RPTOR: variants seen among roughly 807,000 people sequenced by gnomAD.
RPTOR encodes the protein regulatory-associated protein of mTOR.
RPTOR carries 21 observed loss-of-function variants against 169.9 expected under a neutral mutation model. The observed-to-expected ratio is 0.12, with a 90% CI of 0.09 to 0.18. The LOEUF (loss-of-function observed/expected upper bound fraction) is 0.18, where lower values mean the gene tolerates loss of function less well. Ranked by LOEUF, RPTOR falls within the 10% of genes least tolerant of loss-of-function variation. RPTOR has a pLI of 1.00. For synonymous variants in RPTOR, 732 were observed against 753.2 expected (o/e 0.97, Z 0.46); for missense variants, 1,133 against 1,855.9 (o/e 0.61, Z 7.16).
intron 3 of RPTOR, among the ~76,000 whole-genome samples, chr17:80,665,693 C>T (rs551771117): frequency 2.5e-4 from 38 of 151,502 alleles, no homozygotes; most frequent in African/African-American, 7.5e-4. Context: ...TACAGGCGCC[C>T]GCCACCATGC....
chr17:80,586,126 A>G (rs1054357318), intron 1 of RPTOR, among the ~76,000 whole-genome samples: 2 of 152,086 alleles, frequency 1.3e-5, no homozygotes, highest in African/African-American at 2.4e-5. Context: ...GAGGGCATCA[A>G]TCCCCCGTTT....
chr17:80,627,131 C>T (rs530474799), intron 2 of RPTOR, among the ~76,000 whole-genome samples: 3 of 152,188 alleles, frequency 2.0e-5, no homozygotes, highest in Non-Finnish European at 2.9e-5. Context: ...TTTCATTCTC[C>T]TGCCGCAGCC....
rs540992425 is a variant in RPTOR, at chr17:80,556,382, G to A, written c.162+10591G>A. Among the ~76,000 whole-genome samples, 65 of 152,234 alleles carry A rather than the reference G, an allele frequency of 4.3e-4. 1 individual carries two copies. Among genetic ancestry groups the A allele is most frequent in the African/African-American group, 1.4e-3 (59 of 41,532 alleles). ...AAAAATAAGCCGGACATGGTGGTGCGCACCTGTGGTCCCAGCAAATTAGGA... is the reference window on the plus strand; with the variant it reads ...AAAAATAAGCCGGACATGGTGGTGCACACCTGTGGTCCCAGCAAATTAGGA... On this transcript the variant is annotated intron_variant, in intron 1 of 33. Coordinates refer to ENST00000306801, the MANE Select transcript of RPTOR (RefSeq NM_020761.3).
intron 20 of RPTOR, among the ~76,000 whole-genome samples, chr17:80,894,151 G>C (rs55777744): frequency 0.26 from 40,225 of 152,062 alleles, 5,641 homozygotes; most frequent in South Asian, 0.47. Context: ...TTCCATCTTT[G>C]TTCCATAGAC....
rs2067919710 is a variant in RPTOR at position 80,861,800 on chromosome 17, T to C, written c.1509+3900T>C. Among the ~76,000 whole-genome samples, 1 of 152,070 alleles carries C rather than the reference T, an allele frequency of 6.6e-6. No homozygotes were observed. Among genetic ancestry groups the C allele is most frequent in the Admixed American group, 6.5e-5 (1 of 15,286 alleles). ...TCTCAGACTTCGTGTTTTTAGTACC[T>C]TTTAGGACCTGGAAATTGATGATGT... On this transcript the variant is annotated intron_variant, in intron 13 of 33. Coordinates refer to ENST00000306801, the MANE Select transcript of RPTOR (RefSeq NM_020761.3). This position sits in a 1 kb window ranked among gnomAD's most constrained non-coding sequence, Gnocchi z 4.5.
intron 1 of RPTOR, among the ~76,000 whole-genome samples, chr17:80,561,980 G>A (rs1249752035): frequency 3.3e-5 from 5 of 152,284 alleles, no homozygotes; most frequent in East Asian, 1.9e-4. Flanking sequence ...ATGTTTATAC[G>A]TATGTATTTA....
At position 80,947,371 on chromosome 17, in the gene RPTOR, C is replaced by A. The variant is rs766507847; in HGVS notation, c.3265+20C>A. On this transcript the variant is annotated intron_variant, in intron 27 of 33. Transcript: ENST00000306801. The surrounding 1 kb of genome is among the most constrained non-coding windows in gnomAD (Gnocchi z 4.4). Reference sequence around the variant, plus strand: ...CCACAGGTGAGCGGGGTTTGCACAGCCAGGATTGGAAGCCAGGGTCTGGAG... The same window carrying A: ...CCACAGGTGAGCGGGGTTTGCACAGACAGGATTGGAAGCCAGGGTCTGGAG... The A allele has an allele frequency of 1.7e-5, 26 of 1,531,100 alleles. No homozygotes were observed. Among genetic ancestry groups the A allele is most frequent in the Non-Finnish European group, 2.3e-5 (26 of 1,140,752 alleles). The allele number at this position is 1,531,100 out of a possible 1,614,324, so 94.8% of individuals were successfully genotyped here. A position where few individuals can be genotyped will look rare whatever the true frequency, so the allele number is the denominator to read the frequency against.
chr17:80,603,083 G>C lies in RPTOR; in HGVS notation c.163-22608G>C, dbSNP rs148425425. On this transcript the variant is annotated intron_variant, in intron 1 of 33. Transcript: ENST00000306801. ...TGGAAAGTAGGAACTATTCATGGTG[G>C]CTGGATTTGGCGCCTGTCTCCCTCA... 8.5e-5 allele frequency among the ~76,000 whole-genome samples: 13 copies of C among 152,248 alleles called. No homozygotes were observed. The East Asian group carries it at 2.1e-3, about 25-fold the overall frequency.
At chr17:80,923,119 G>A (rs2068766819) in intron 22 of RPTOR, among the ~76,000 whole-genome samples, 1 of 152,226 alleles carries the variant, frequency 6.6e-6, no homozygotes, top group Non-Finnish European at 1.5e-5. Flanking sequence ...GTTTGTAAGA[G>A]GGGATCTAGA....
intron 5 of RPTOR, among the ~76,000 whole-genome samples, chr17:80,750,419 C>G (rs1354608290): frequency 1.3e-5 from 2 of 152,224 alleles, no homozygotes; most frequent in Non-Finnish European, 2.9e-5. Context: ...CAGTTCAGGA[C>G]TGTGTGCTTC....
At chr17:80,901,391 T>C (rs2143908006) in intron 20 of RPTOR, among the ~76,000 whole-genome samples, 1 of 152,278 alleles carries the variant, frequency 6.6e-6, no homozygotes, top group South Asian at 2.1e-4. Context: ...TTTTTTTTTT[T>C]ACTGGAGAAA....
intron 20 of RPTOR, among the ~76,000 whole-genome samples, chr17:80,896,326 C>G (rs998587814): frequency 6.6e-6 from 1 of 151,942 alleles, no homozygotes; most frequent in Non-Finnish European, 1.5e-5. Context: ...TTAGCAGCAC[C>G]CATCCCATCC....
Position 80,823,031 on chromosome 17 carries a change from T to C in RPTOR, c.992-48T>C. ...AATTTGTGTATTTGGCTTTAAATGCTAGACACAAGTCACTGTAGACTCCTT... is the reference window on the plus strand; with the variant it reads ...AATTTGTGTATTTGGCTTTAAATGCCAGACACAAGTCACTGTAGACTCCTT... On this transcript the variant is annotated intron_variant, in intron 8 of 33. Coordinates refer to ENST00000306801, the MANE Select transcript of RPTOR (RefSeq NM_020761.3). The surrounding 1 kb of genome is among the most constrained non-coding windows in gnomAD (Gnocchi z 4.5). 1 of 1,577,578 alleles carries C rather than the reference T, an allele frequency of 6.3e-7. No homozygotes were observed. The highest frequency in any genetic ancestry group is 1.2e-5 in the South Asian group (1 of 86,270).
At chr17:80,775,340 G>A (rs2066883139) in intron 6 of RPTOR, among the ~76,000 whole-genome samples, 1 of 152,044 alleles carries the variant, frequency 6.6e-6, no homozygotes, top group African/African-American at 2.4e-5. Flanking sequence ...CAAACTCCTG[G>A]CCTCAAGCGA....
At chr17:80,766,968 A>G (rs1307306133) in intron 6 of RPTOR, among the ~76,000 whole-genome samples, 2 of 152,246 alleles carry the variant, frequency 1.3e-5, no homozygotes, top group African/African-American at 2.4e-5. Context: ...TGAAAGGTTC[A>G]TTAAAATTGT....
At chr17:80,748,433 G>A (rs1342445445) in intron 5 of RPTOR, among the ~76,000 whole-genome samples, 1 of 30,586 alleles carries the variant, frequency 3.3e-5, no homozygotes, top group Non-Finnish European at 5.9e-5. Flanking sequence ...GCCGTGGCGG[G>A]AGGGCCTGTT....
chr17:80,584,992 T>G (rs2065046844), intron 1 of RPTOR, among the ~76,000 whole-genome samples: 1 of 152,168 alleles, frequency 6.6e-6, no homozygotes, highest in Non-Finnish European at 1.5e-5. Flanking sequence ...TGGCTGGGTT[T>G]TGTATCCTTT....
At chr17:80,928,750 C>T (rs79400041) in intron 24 of RPTOR, among the ~76,000 whole-genome samples, 3,790 of 152,230 alleles carry the variant, frequency 0.025, 145 homozygotes, top group African/African-American at 0.087. Context: ...AATGGTCTGC[C>T]GTGTGCTTAA....
chr17:80,649,819 C>T (rs374521767), intron 3 of RPTOR, among the ~76,000 whole-genome samples: 8 of 152,340 alleles, frequency 5.3e-5, no homozygotes, highest in African/African-American at 1.9e-4. Context: ...AGCTTTTCCA[C>T]GTGCGTGCCG....
Sources: gnomAD v4.1 joint callset for allele counts (sites outside exome capture counted in the v4.1 genomes callset) on GRCh38, gnomAD v4.1.1 for gene constraint, Gnocchi (gnomAD v3.1) non-coding constraint, MANE v1.5 for transcripts, NCBI Gene and HGNC (gene_info 2026-07-23, HGNC 2026-07-21) for gene names.